PPP6R2: variants seen among roughly 807,000 people sequenced by gnomAD.
PPP6R2 encodes protein phosphatase 6 regulatory subunit 2, also known as serine/threonine-protein phosphatase 6 regulatory subunit 2.
PPP6R2 carries 62 observed loss-of-function variants against 100.2 expected under a neutral mutation model. The observed-to-expected ratio is 0.62, with a 90% CI of 0.50 to 0.76. PPP6R2 has a LOEUF of 0.76. Among genes scored for constraint, PPP6R2 ranks in the 30% least tolerant of loss-of-function variants. The pLI is 0.00. For synonymous variants in PPP6R2, 525 were observed against 514.7 expected (o/e 1.02, Z -0.27); for missense variants, 1,142 against 1,276.3 (o/e 0.89, Z 1.60).
intron 1 of PPP6R2, among the ~76,000 whole-genome samples, chr22:50,361,453 C>T (rs773281290): frequency 6.6e-6 from 1 of 152,132 alleles, no homozygotes; most frequent in Non-Finnish European, 1.5e-5. Context: ...ATGAAGCCAG[C>T]TACTGCCACT....
intron 2 of PPP6R2, among the ~76,000 whole-genome samples, chr22:50,386,072 G>T (rs1030352992): frequency 6.6e-6 from 1 of 151,518 alleles, no homozygotes; most frequent in Non-Finnish European, 1.5e-5. Flanking sequence ...TGATCCGCCC[G>T]CCTCAGCCTC....
Position 50,424,671 on chromosome 22 carries a change from C to T in PPP6R2, c.1125+1057C>T, listed in dbSNP as rs1603356840. 3.4e-5 allele frequency among the ~76,000 whole-genome samples: 4 copies of T among 117,584 alleles called. No individual in the cohort carries two copies. The Middle Eastern group carries it at 0.028, about 832-fold the overall frequency. 77.1% of individuals were successfully genotyped at this position (117,584 alleles called of 152,430 possible). On this transcript the variant is annotated intron_variant, in intron 10 of 23. Coordinates refer to ENST00000612753, the MANE Select transcript of PPP6R2 (RefSeq NM_001242898.2). ...TTTTTTTTTTTGAGATGGAGTCTCTCTCTGTCGCCAGGCTGGAGTGCAGTG... is the reference window on the plus strand; with the variant it reads ...TTTTTTTTTTTGAGATGGAGTCTCTTTCTGTCGCCAGGCTGGAGTGCAGTG...
At chr22:50,350,286 A>T (rs547418874) in intron 1 of PPP6R2, among the ~76,000 whole-genome samples, 2 of 150,230 alleles carry the variant, frequency 1.3e-5, no homozygotes, top group East Asian at 4.3e-4. Flanking sequence ...GCTGGAGTGC[A>T]GTGGTGCAAT....
intron 3 of PPP6R2, among the ~76,000 whole-genome samples, chr22:50,404,509 G>A (rs905663447): frequency 5.9e-5 from 9 of 151,700 alleles, no homozygotes; most frequent in African/African-American, 1.2e-4. Flanking sequence ...TGCGCCTCCC[G>A]GGCTCAAGCC....
At chr22:50,396,569 T>C (rs1218545844) in intron 3 of PPP6R2, among the ~76,000 whole-genome samples, 1 of 151,746 alleles carries the variant, frequency 6.6e-6, no homozygotes, top group Non-Finnish European at 1.5e-5. Flanking sequence ...CGTTTCAGTA[T>C]CCACCAATAA....
chr22:50,414,478 G>C, intron 4 of PPP6R2, 74 bp from the exon 5 acceptor site: 1 of 1,530,078 alleles, frequency 6.5e-7, no homozygotes, highest in Non-Finnish European at 9.0e-7. Flanking sequence ...ACTTTCCCAT[G>C]AGAGTTTTTG....
At chr22:50,425,438 A>G (rs1471884085) in intron 10 of PPP6R2, among the ~76,000 whole-genome samples, 1 of 152,202 alleles carries the variant, frequency 6.6e-6, no homozygotes, top group South Asian at 2.1e-4. Flanking sequence ...GCTATTGTGA[A>G]TAACACTGCT....
intron 13 of PPP6R2, 38 bp from the exon 14 acceptor site, chr22:50,436,329 G>A (rs572548980): frequency 1.9e-6 from 3 of 1,544,574 alleles, no homozygotes; most frequent in South Asian, 2.4e-5. Context: ...ATCTGCACGG[G>A]GTCTCCCAGG....
At chr22:50,368,060 T>A (rs1245157482) in intron 1 of PPP6R2, among the ~76,000 whole-genome samples, 1 of 152,220 alleles carries the variant, frequency 6.6e-6, no homozygotes. Flanking sequence ...CTTACGTCAT[T>A]ATTTCTTCTA....
intron 4 of PPP6R2, among the ~76,000 whole-genome samples, chr22:50,413,165 G>A (rs1050951746): frequency 6.6e-6 from 1 of 151,558 alleles, no homozygotes; most frequent in Non-Finnish European, 1.5e-5. Flanking sequence ...TCCATGTTGA[G>A]GCTGGTCTCG....
intron 14 of PPP6R2, 33 bp downstream of exon 14, chr22:50,436,485 C>T (rs367884985): frequency 5.2e-5 from 81 of 1,556,086 alleles, no homozygotes; most frequent in South Asian, 3.9e-4. Flanking sequence ...CCTCGGTGCA[C>T]GCACGGTGCT....
chr22:50,407,739 G>A (rs556270830), intron 4 of PPP6R2, among the ~76,000 whole-genome samples: 3 of 152,330 alleles, frequency 2.0e-5, no homozygotes, highest in East Asian at 3.9e-4. Context: ...GTAGAGAGGC[G>A]TGGTGGTCCC....
intron 1 of PPP6R2, among the ~76,000 whole-genome samples, chr22:50,370,577 A>G (rs79496165): frequency 0.11 from 16,005 of 150,054 alleles, 1,438 homozygotes; most frequent in East Asian, 0.36. Context: ...GTGAGCCACC[A>G]CGCCTGGCCA....
chr22:50,337,704 C>T, the PPP6R2 span, among the ~76,000 whole-genome samples: 8 of 89,102 alleles, frequency 9.0e-5, no homozygotes, highest in African/African-American at 3.0e-4. Flanking sequence ...GGTGTGTGTG[C>T]GGTGTGGTAT....
chr22:50,362,693 G>T (rs1177246336), intron 1 of PPP6R2, among the ~76,000 whole-genome samples: 1 of 152,158 alleles, frequency 6.6e-6, no homozygotes, highest in Non-Finnish European at 1.5e-5. Flanking sequence ...AGGTCACCAG[G>T]TGGGGCTCTC....
chr22:50,404,245 C>T (rs2058494217), intron 3 of PPP6R2, among the ~76,000 whole-genome samples: 1 of 151,912 alleles, frequency 6.6e-6, no homozygotes, highest in South Asian at 2.1e-4. Flanking sequence ...CAGGCGCCCA[C>T]CACCACACCT....
chr22:50,385,159 G>C (rs2053949759), intron 2 of PPP6R2, among the ~76,000 whole-genome samples: 1 of 151,934 alleles, frequency 6.6e-6, no homozygotes. Context: ...CCTCTTAAAG[G>C]CCCTACCTTT....
intron 1 of PPP6R2, among the ~76,000 whole-genome samples, chr22:50,363,457 A>G (rs906769449): frequency 3.9e-5 from 6 of 152,034 alleles, no homozygotes; most frequent in African/African-American, 1.4e-4. Flanking sequence ...TTTCCCTTTC[A>G]TATTCCTGGT....
chr22:50,422,184 C>T (rs2061428931), intron 8 of PPP6R2, 70 bp from the exon 9 acceptor site: 3 of 1,562,440 alleles, frequency 1.9e-6, no homozygotes, highest in Non-Finnish European at 2.6e-6. Flanking sequence ...GAAGCGGGTG[C>T]ACTGAGTTGC....
Sources: gnomAD v4.1 joint callset for allele counts (sites outside exome capture counted in the v4.1 genomes callset) on GRCh38, gnomAD v4.1.1 for gene constraint, MANE v1.5 for transcripts, NCBI Gene and HGNC (gene_info 2026-07-23, HGNC 2026-07-21) for gene names.